Variants in PCED1A observed in about 807,000 individuals in gnomAD.
PCED1A encodes the protein PC-esterase domain containing 1A, also known as PC-esterase domain-containing protein 1A.
In PCED1A, 20 loss-of-function variants were observed where a neutral mutation model predicts 41.9. That is an observed-to-expected ratio of 0.48 (90% CI 0.34 to 0.69). The LOEUF is 0.69. Ranked by LOEUF, PCED1A falls within the 30% of genes least tolerant of loss-of-function variation. The pLI, the probability that PCED1A is intolerant of heterozygous loss-of-function variation, is 0.01. For synonymous variants in PCED1A, 236 were observed against 241.3 expected (o/e 0.98, Z 0.20); for missense variants, 498 against 602.1 (o/e 0.83, Z 1.81).
chr20:2,840,615 G>T lies in PCED1A; in HGVS notation c.-426C>A. The T allele has an allele frequency of 1.3e-6, 1 of 764,836 alleles. No homozygotes were observed. Among genetic ancestry groups the T allele is most frequent in the Non-Finnish European group, 2.2e-6 (1 of 460,974 alleles). The allele number at this position is 764,836 out of a possible 1,614,324, so 47.4% of individuals were successfully genotyped here. On this transcript the variant is annotated 5_prime_UTR_variant, in exon 1 of 8. Transcript: ENST00000360652. Reference sequence around the variant, plus strand: ...GGGCGCGAAGCCCAGGTACGGGCTGGGGTCTCGGGGCGGCAGCCAAGTGAG... The same window carrying T: ...GGGCGCGAAGCCCAGGTACGGGCTGTGGTCTCGGGGCGGCAGCCAAGTGAG...
rs1228908309 is a variant in PCED1A, at chr20:2,838,317, A to T, written c.756T>A (p.His252Gln). 1 of 1,614,246 alleles carries T rather than the reference A, an allele frequency of 6.2e-7. No individual in the cohort carries two copies. Among genetic ancestry groups the T allele is most frequent in the Middle Eastern group, 1.6e-4 (1 of 6,062 alleles). ...GCAGGTGTGAGAGGTGGCGGTGTGC[A>T]TGCTGGTCCCAGTGGACACCATCCC... ...RHRDGVHWDQ[H>Q]AHRHLSHLLL... The change falls in exon 6 of 8, where the codon CAT becomes CAA. Residue 252 changes from histidine to glutamine, a missense_variant. Transcript: ENST00000360652. This position sits in a 1 kb window ranked among gnomAD's most constrained non-coding sequence, Gnocchi z 5.8.
chr20:2,839,731 A>G lies in PCED1A; in HGVS notation c.124+58T>C. ...TGAGATGGAAACAAATGGTCCAGAC[A>G]CACTGAACGGGCTGCAAGGTGTGGG... On this transcript the variant is annotated intron_variant, in intron 2 of 7. Coordinates refer to ENST00000360652, the MANE Select transcript of PCED1A (RefSeq NM_022760.6). The G allele has an allele frequency of 1.9e-6, 3 of 1,599,294 alleles. No individual in the cohort carries two copies. The South Asian group carries it at 3.4e-5, about 18-fold the overall frequency.
At position 2,839,758 on chromosome 20, in the gene PCED1A, C is replaced by T. The variant is rs761594108; in HGVS notation, c.124+31G>A. The T allele has an allele frequency of 1.9e-6, 3 of 1,611,536 alleles. No homozygotes were observed. In the South Asian group the frequency reaches 3.3e-5, roughly 18 times the overall value. On this transcript the variant is annotated intron_variant, in intron 2 of 7. Coordinates refer to ENST00000360652, the MANE Select transcript of PCED1A (RefSeq NM_022760.6). ...ACTGAACGGGCTGCAAGGTGTGGGACTGGAAGCGTCACCCTAGAAGAGGCA... is the reference window on the plus strand; with the variant it reads ...ACTGAACGGGCTGCAAGGTGTGGGATTGGAAGCGTCACCCTAGAAGAGGCA...
chr20:2,835,859 C>T, intron 7 of PCED1A, 150 bp from the exon 8 acceptor site: 2 of 1,442,264 alleles, frequency 1.4e-6, no homozygotes, highest in Non-Finnish European at 1.8e-6. Flanking sequence ...GACGGTGAAA[C>T]AGTGACAACC....
At position 2,838,416 on chromosome 20, in the gene PCED1A, C is replaced by G. The variant is rs554793472; in HGVS notation, c.657G>C (p.Thr219=). 1 of 1,614,242 alleles carries G rather than the reference C, an allele frequency of 6.2e-7. No individual in the cohort carries two copies. The highest frequency in any genetic ancestry group is 2.2e-5 in the East Asian group (1 of 44,890). ...CATCAAAGCAGTGGTCCCCGGCCAG[C>G]GTAGCACTGTAGAAGTTCCCTTCAA... ...DVVEGNFYSA[T]LAGDHCFDVL... The change falls in exon 6 of 8, where the codon ACG becomes ACC. Residue 219 remains threonine, a synonymous_variant. Coordinates refer to ENST00000360652, the MANE Select transcript of PCED1A (RefSeq NM_022760.6). The surrounding 1 kb of genome is among the most constrained non-coding windows in gnomAD (Gnocchi z 5.8).
chr20:2,835,960 A>G, intron 7 of PCED1A, 79 bp downstream of exon 7: 1 of 1,450,338 alleles, frequency 6.9e-7, no homozygotes, highest in East Asian at 2.5e-5. Flanking sequence ...GAGCTACCCA[A>G]CTCCTCTCAG....
chr20:2,836,390 G>T, intron 6 of PCED1A, 76 bp from the exon 7 acceptor site: 2 of 1,275,364 alleles, frequency 1.6e-6, no homozygotes, highest in Non-Finnish European at 2.3e-6. Flanking sequence ...CACTTCTAAA[G>T]CTCTATTCCT....
Position 2,838,948 on chromosome 20 carries a change from G to A in PCED1A, c.339C>T (p.Leu113=). The change falls in exon 4 of 8, where the codon CTC becomes CTT. Residue 113 remains leucine (L), a synonymous_variant. Transcript: ENST00000360652. This position sits in a 1 kb window ranked among gnomAD's most constrained non-coding sequence, Gnocchi z 5.8. ...CAAGGTACTCGGAGTAAACACGAGT[G>A]AGGAAGTAGAAGCGCACAAGGTGGT... ...SGHHLVRFYF[L]TRVYSEYLED... 2 of 1,614,088 alleles carry A rather than the reference G, an allele frequency of 1.2e-6. No homozygotes were observed. Among genetic ancestry groups the A allele is most frequent in the African/African-American group, 1.3e-5 (1 of 75,044 alleles).
chr20:2,840,208 T>G lies in PCED1A; in HGVS notation c.-22+3A>C. On this transcript the variant is annotated splice_donor_region_variant and intron_variant, in intron 1 of 7. Transcript: ENST00000360652. Reference sequence around the variant, plus strand: ...CATGCGCGCACCCGCTCGCGCCAATTACCAAGTCCCGGGGCTCCGCGGTGT... The same window carrying G: ...CATGCGCGCACCCGCTCGCGCCAATGACCAAGTCCCGGGGCTCCGCGGTGT... 7.0e-6 allele frequency: 2 copies of G among 287,300 alleles called. No homozygotes were observed. Among genetic ancestry groups the G allele is most frequent in the Non-Finnish European group, 1.3e-5 (2 of 155,920 alleles). The allele number at this position is 287,300 out of a possible 1,614,324, so 17.8% of individuals were successfully genotyped here.
upstream of PCED1A, chr20:2,840,804 A>C (rs1217794749): frequency 1.6e-5 from 25 of 1,547,880 alleles, no homozygotes; most frequent in Non-Finnish European, 2.2e-5. Context: ...ACTGGAACCC[A>C]CTCGGGGACT....
At position 2,840,192 on chromosome 20, in the gene PCED1A, A is replaced by C. The variant is rs1182455219; in HGVS notation, c.-22+19T>G. The C allele has an allele frequency of 3.2e-6, 1 of 316,032 alleles. No individual in the cohort carries two copies. Among genetic ancestry groups the C allele is most frequent in the Non-Finnish European group, 5.7e-6 (1 of 174,354 alleles). The allele number at this position is 316,032 out of a possible 1,614,324, so 19.6% of individuals were successfully genotyped here. A position where few individuals can be genotyped will look rare whatever the true frequency, so the allele number is the denominator to read the frequency against. On this transcript the variant is annotated intron_variant, in intron 1 of 7. Transcript: ENST00000360652. ...CCGCCGCCGTCCCGCGCATGCGCGC[A>C]CCCGCTCGCGCCAATTACCAAGTCC...
rs1282584000 is a variant in PCED1A at position 2,839,330 on chromosome 20, C to A, written c.125-59G>T. 3.3e-6 allele frequency: 5 copies of A among 1,529,148 alleles called. No homozygotes were observed. In the African/African-American group the frequency reaches 5.5e-5, roughly 17 times the overall value. 94.7% of individuals were successfully genotyped at this position (1,529,148 alleles called of 1,614,324 possible). On this transcript the variant is annotated intron_variant, in intron 2 of 7. Transcript: ENST00000360652. ...GACCTCAGCCTGCCCCAGCTCCTTC[C>A]AAGTCCAGGACCCCATTTTCCCAGG...
intron 1 of PCED1A, 95 bp from the exon 2 acceptor site, chr20:2,840,028 A>T (rs142767084): frequency 7.7e-7 from 1 of 1,297,560 alleles, no homozygotes; most frequent in South Asian, 1.5e-5. Context: ...TGCTAAAGGG[A>T]GGAGGTGACG....
At chr20:2,836,444 T>A (rs932070972) in intron 6 of PCED1A, 130 bp from the exon 7 acceptor site, 5 of 807,606 alleles carry the variant, frequency 6.2e-6, no homozygotes, top group Non-Finnish European at 1.0e-5. Context: ...ATCCTTGCCC[T>A]CTACCCAGTT....
chr20:2,840,237 C>A lies in PCED1A; in HGVS notation c.-48G>T. On this transcript the variant is annotated 5_prime_UTR_variant, in exon 1 of 8. Transcript: ENST00000360652. ...AAGTCCCGGGGCTCCGCGGTGTTCA[C>A]CCGCGACCCGGGTATGCCTGCGCAC... 1 of 262,440 alleles carries A rather than the reference C, an allele frequency of 3.8e-6. No homozygotes were observed. Among genetic ancestry groups the A allele is most frequent in the South Asian group, 7.9e-5 (1 of 12,608 alleles). The allele number at this position is 262,440 out of a possible 1,614,324, so 16.3% of individuals were successfully genotyped here. A position where few individuals can be genotyped will look rare whatever the true frequency, so the allele number is the denominator to read the frequency against.
At chr20:2,839,151 G>C in intron 3 of PCED1A, 41 bp downstream of exon 3, 1 of 1,603,846 alleles carries the variant, frequency 6.2e-7, no homozygotes, top group Non-Finnish European at 8.5e-7. Context: ...GCCAGGGTCT[G>C]TGCCCACCCA....
At chr20:2,837,557 T>G (rs2088856066) in intron 6 of PCED1A, among the ~76,000 whole-genome samples, 1 of 152,076 alleles carries the variant, frequency 6.6e-6, no homozygotes, top group Admixed American at 6.5e-5. Flanking sequence ...GACTAGGGTG[T>G]TGACATGGAA....
upstream of PCED1A, chr20:2,840,668 GGCGGCCTCGCCA>G: frequency 7.9e-7 from 1 of 1,258,188 alleles, no homozygotes; most frequent in South Asian, 1.3e-5. Context: ...TGGCCGCGGC[GGCGGCCTCGCCA>G]CGTGACCCGG....
chr20:2,835,629 C>T lies in PCED1A; in HGVS notation c.1198G>A (p.Gly400Ser), dbSNP rs1444810835. Reference protein sequence around the residue: ...PGPNPHGQHWGPVVHRGMPRY... With the variant: ...PGPNPHGQHWSPVVHRGMPRY... ...GGCATCCCCCGGTGGACCACTGGGCCCCAGTGCTGACCATGGGGATTAGGG... is the reference window on the plus strand; with the variant it reads ...GGCATCCCCCGGTGGACCACTGGGCTCCAGTGCTGACCATGGGGATTAGGG... The change falls in exon 8 of 8, where the codon GGC becomes AGC. Residue 400 changes from glycine to serine, a missense_variant. Physicochemically the swap from Gly to Ser is moderately conservative, Grantham distance 56. Coordinates refer to ENST00000360652, the MANE Select transcript of PCED1A (RefSeq NM_022760.6). 29 of 1,610,516 alleles carry T rather than the reference C, an allele frequency of 1.8e-5. No homozygotes were observed. Among genetic ancestry groups the T allele is most frequent in the Non-Finnish European group, 2.5e-5 (29 of 1,177,406 alleles).
Sources: gnomAD v4.1 joint callset for allele counts (sites outside exome capture counted in the v4.1 genomes callset) on GRCh38, gnomAD v4.1.1 for gene constraint, Gnocchi (gnomAD v3.1) non-coding constraint, MANE v1.5 for transcripts, NCBI Gene and HGNC (gene_info 2026-07-23, HGNC 2026-07-21) for gene names.